The following CLSTN2 variants were observed in gnomAD, a reference collection of about 807,000 sequenced individuals.
CLSTN2 encodes the protein calsyntenin-2.
In CLSTN2, 48 loss-of-function variants were observed where a neutral mutation model predicts 101.2. The ratio of observed to expected loss-of-function variants is 0.47; its 90% confidence interval spans 0.38 to 0.60. CLSTN2 has a LOEUF of 0.60. Among genes scored for constraint, CLSTN2 ranks in the 20% least tolerant of loss-of-function variants. The pLI, the probability that CLSTN2 is intolerant of heterozygous loss-of-function variation, is 0.00. For synonymous variants in CLSTN2, 481 were observed against 463.6 expected (o/e 1.04, Z -0.48); for missense variants, 1,160 against 1,238.2 (o/e 0.94, Z 0.95).
intron 1 of CLSTN2, among the ~76,000 whole-genome samples, chr3:140,144,969 C>T (rs1467683757): frequency 6.6e-6 from 1 of 152,208 alleles, no homozygotes; most frequent in Non-Finnish European, 1.5e-5. Context: ...TCTGATTTCC[C>T]CCAGAGGACC....
intron 2 of CLSTN2, among the ~76,000 whole-genome samples, chr3:140,361,758 A>G (rs1433369704): frequency 6.6e-6 from 1 of 152,178 alleles, no homozygotes; most frequent in South Asian, 2.1e-4. Context: ...ATACCTGGGA[A>G]TAAATTTAAC....
intron 2 of CLSTN2, among the ~76,000 whole-genome samples, chr3:140,348,093 C>T (rs1002027820): frequency 1.7e-4 from 26 of 152,214 alleles, no homozygotes; most frequent in Admixed American, 5.9e-4. Context: ...CCTAGACATA[C>T]AAAGTTTACC....
intron 2 of CLSTN2, among the ~76,000 whole-genome samples, chr3:140,338,348 C>T (rs959510637): frequency 9.9e-5 from 15 of 152,116 alleles, no homozygotes; most frequent in African/African-American, 3.1e-4. Flanking sequence ...TCTGTGATGC[C>T]GTAGCTCTTA....
At chr3:140,534,706 T>G (rs1353466993) in intron 9 of CLSTN2, among the ~76,000 whole-genome samples, 1 of 152,210 alleles carries the variant, frequency 6.6e-6, no homozygotes, top group Non-Finnish European at 1.5e-5. Context: ...CCAATAATTT[T>G]TATTCATATT....
intron 1 of CLSTN2, among the ~76,000 whole-genome samples, chr3:140,089,766 A>G (rs997549752): frequency 6.6e-6 from 1 of 151,748 alleles, no homozygotes; most frequent in Admixed American, 6.6e-5. Context: ...ATGCACCACC[A>G]TACCTGGCCT....
chr3:140,059,367 A>T (rs1413653888), intron 1 of CLSTN2, among the ~76,000 whole-genome samples: 1 of 151,866 alleles, frequency 6.6e-6, no homozygotes, highest in Non-Finnish European at 1.5e-5. Flanking sequence ...CTGGGAACAC[A>T]AGAGGGACTC....
intron 1 of CLSTN2, among the ~76,000 whole-genome samples, chr3:140,053,173 T>C (rs950638313): frequency 6.6e-6 from 1 of 152,166 alleles, no homozygotes; most frequent in African/African-American, 2.4e-5. Context: ...GTCAGCAGCC[T>C]CTGCTGAGCT....
intron 8 of CLSTN2, among the ~76,000 whole-genome samples, chr3:140,525,253 A>G (rs1487744782): frequency 6.6e-6 from 1 of 152,204 alleles, no homozygotes; most frequent in Admixed American, 6.5e-5. Context: ...TGGAAATGAC[A>G]AAGATGACAT....
chr3:139,951,684 A>G (rs1291783893), intron 1 of CLSTN2, among the ~76,000 whole-genome samples: 1 of 152,176 alleles, frequency 6.6e-6, no homozygotes, highest in Non-Finnish European at 1.5e-5. Context: ...CAAAAAAGAA[A>G]TGAAAAGCTA....
chr3:140,471,570 A>G (rs1205050142), intron 8 of CLSTN2, among the ~76,000 whole-genome samples: 2 of 152,064 alleles, frequency 1.3e-5, no homozygotes, highest in African/African-American at 4.8e-5. Context: ...GAACAACACA[A>G]CTCCACCCTG....
chr3:140,023,848 C>A (rs1312469019), intron 1 of CLSTN2, among the ~76,000 whole-genome samples: 1 of 152,198 alleles, frequency 6.6e-6, no homozygotes, highest in South Asian at 2.1e-4. Flanking sequence ...GAAAAGTGCC[C>A]AGGCTGGAAG....
chr3:140,429,066 A>G (rs2088601971), intron 5 of CLSTN2, among the ~76,000 whole-genome samples: 2 of 152,344 alleles, frequency 1.3e-5, no homozygotes, highest in South Asian at 4.1e-4. Flanking sequence ...TTGAAAAGAC[A>G]GTGGCAGAAA....
chr3:140,458,422 C>A (rs555511495), intron 6 of CLSTN2, among the ~76,000 whole-genome samples: 1 of 152,096 alleles, frequency 6.6e-6, no homozygotes, highest in Non-Finnish European at 1.5e-5. Context: ...AAGTTCCTGG[C>A]CCTCCTTCCC....
At chr3:140,388,544 A>T (rs2088078753) in intron 2 of CLSTN2, among the ~76,000 whole-genome samples, 1 of 152,220 alleles carries the variant, frequency 6.6e-6, no homozygotes, top group African/African-American at 2.4e-5. Context: ...AATTATTATT[A>T]TACTACTGAG....
At chr3:140,313,773 G>A (rs1016568368) in intron 2 of CLSTN2, among the ~76,000 whole-genome samples, 2 of 152,306 alleles carry the variant, frequency 1.3e-5, no homozygotes, top group East Asian at 1.9e-4. Flanking sequence ...GACACAAAGC[G>A]CAGTGCACTG....
At chr3:140,232,869 C>T (rs2086382788) in intron 2 of CLSTN2, among the ~76,000 whole-genome samples, 1 of 152,174 alleles carries the variant, frequency 6.6e-6, no homozygotes, top group Non-Finnish European at 1.5e-5. Flanking sequence ...ACCTGTGTCA[C>T]TAGCTTAGTT....
intron 1 of CLSTN2, among the ~76,000 whole-genome samples, chr3:140,011,460 C>T (rs2007072007): frequency 6.6e-6 from 1 of 152,120 alleles, no homozygotes; most frequent in Non-Finnish European, 1.5e-5. Flanking sequence ...ACCATCCTGC[C>T]CACTATGTGC....
chr3:140,366,040 G>A (rs1297140721), intron 2 of CLSTN2, among the ~76,000 whole-genome samples: 1 of 152,182 alleles, frequency 6.6e-6, no homozygotes, highest in East Asian at 1.9e-4. Context: ...CCTACTAGCT[G>A]GCCAAGGACA....
intron 2 of CLSTN2, among the ~76,000 whole-genome samples, chr3:140,368,170 A>G (rs2087813883): frequency 6.6e-6 from 1 of 152,190 alleles, no homozygotes; most frequent in Non-Finnish European, 1.5e-5. Flanking sequence ...ATGGTCAAGA[A>G]GCCTCCCAGA....
Sources: gnomAD v4.1 joint callset for allele counts (sites outside exome capture counted in the v4.1 genomes callset) on GRCh38, gnomAD v4.1.1 for gene constraint, MANE v1.5 for transcripts, NCBI Gene and HGNC (gene_info 2026-07-23, HGNC 2026-07-21) for gene names.